The following MYT1L variants were observed in gnomAD, a reference collection of about 807,000 sequenced individuals.
MYT1L encodes the protein myelin transcription factor 1 like.
A neutral mutation model predicts 126.7 loss-of-function variants in MYT1L; 12 were observed. The observed-to-expected ratio is 0.09, with a 90% CI of 0.06 to 0.15. MYT1L has a LOEUF of 0.15. Ranked by LOEUF, MYT1L falls within the 10% of genes least tolerant of loss-of-function variation. The probability of loss-of-function intolerance (pLI) is 1.00; values close to 1 mark genes in which losing one functional copy is unlikely to be tolerated. For missense variants in MYT1L, 979 were observed against 1,585.2 expected, an observed-to-expected ratio of 0.62 and a Z score of 6.49; for synonymous variants, 541 against 604.2, an observed-to-expected ratio of 0.90 and a Z score of 1.53.
intron 2 of MYT1L, among the ~76,000 whole-genome samples, chr2:2,274,778 G>T (rs575080042): frequency 6.6e-6 from 1 of 152,170 alleles, no homozygotes; most frequent in Non-Finnish European, 1.5e-5. Flanking sequence ...CTCAGAACAC[G>T]TTTAAAGCAT....
chr2:2,208,448 C>T (rs761080675), intron 2 of MYT1L, among the ~76,000 whole-genome samples: 5 of 152,096 alleles, frequency 3.3e-5, no homozygotes, highest in Non-Finnish European at 7.4e-5. Flanking sequence ...CCCTCATGTG[C>T]AAGCAGGTGC....
At chr2:2,317,315 C>A (rs1475923730) in intron 1 of MYT1L, among the ~76,000 whole-genome samples, 1 of 152,078 alleles carries the variant, frequency 6.6e-6, no homozygotes, top group Non-Finnish European at 1.5e-5. Flanking sequence ...TCGGTGTGGT[C>A]CTGCTGATAG....
chr2:1,921,153 G>A (rs781352894), intron 10 of MYT1L, among the ~76,000 whole-genome samples: 20 of 152,176 alleles, frequency 1.3e-4, no homozygotes, highest in African/African-American at 3.1e-4. Flanking sequence ...TATTGGGTTC[G>A]CAGTGAGGAA....
chr2:1,869,609 C>G (rs1283379051), intron 18 of MYT1L, among the ~76,000 whole-genome samples: 6 of 152,186 alleles, frequency 3.9e-5, no homozygotes, highest in African/African-American at 1.2e-4. Flanking sequence ...ATGAGGCAGG[C>G]AGGACTTCAT....
At chr2:2,176,102 T>C (rs191259808) in intron 2 of MYT1L, among the ~76,000 whole-genome samples, 29 of 152,320 alleles carry the variant, frequency 1.9e-4, no homozygotes, top group Admixed American at 1.3e-3. Flanking sequence ...ACTCAGCTTC[T>C]AGTTGGAGAT....
chr2:1,917,144 TGACAGA>T lies in MYT1L; in HGVS notation c.1618+55_1618+60del. 5 of 1,564,980 alleles carry T rather than the reference TGACAGA, an allele frequency of 3.2e-6. No individual in the cohort carries two copies. Among genetic ancestry groups the T allele is most frequent in the Non-Finnish European group, 4.4e-6 (5 of 1,146,368 alleles). On this transcript the variant is annotated intron_variant, in intron 11 of 24. Coordinates refer to ENST00000647738, the MANE Select transcript of MYT1L (RefSeq NM_001303052.2). The surrounding 1 kb of genome is among the most constrained non-coding windows in gnomAD (Gnocchi z 5.9). Reference sequence around the variant, plus strand: ...TGGAGATGATGTCAGGTAAGAGGGATGACAGAGACAGAGTCATGGGTGTTTGCACCC... The same window carrying T: ...TGGAGATGATGTCAGGTAAGAGGGATGACAGAGTCATGGGTGTTTGCACCC...
Position 1,885,841 on chromosome 2 carries a change from C to T in MYT1L, c.2711+698G>A, listed in dbSNP as rs113931351. Among the ~76,000 whole-genome samples the T allele has an allele frequency of 3.0e-3, 461 of 152,328 alleles. 3 individuals carry two copies. The highest frequency in any genetic ancestry group is 0.01 in the Middle Eastern group (3 of 294). On this transcript the variant is annotated intron_variant, in intron 18 of 24. Transcript: ENST00000647738. ...GGAGGCTTTGAGACTCCCCCTGTGA[C>T]TTCTACCCACTTCTTCCAAACCTGT...
At chr2:1,897,440 G>A (rs755315271) in intron 14 of MYT1L, among the ~76,000 whole-genome samples, 2 of 149,978 alleles carry the variant, frequency 1.3e-5, no homozygotes, top group African/African-American at 5.0e-5. Context: ...TTTTCTTTTC[G>A]CAAACAAAAC....
chr2:2,104,027 A>C (rs376210394), intron 3 of MYT1L, among the ~76,000 whole-genome samples: 23 of 152,312 alleles, frequency 1.5e-4, no homozygotes, highest in African/African-American at 5.5e-4. Context: ...ATTTGTGAGA[A>C]TTATTTGAAG....
In MYT1L at chr2:2,200,679, G is replaced by A. The variant is rs576764859; in HGVS notation, c.-420-27691C>T. Among the ~76,000 whole-genome samples the A allele has an allele frequency of 6.1e-4, 93 of 152,338 alleles. 1 individual carries two copies. The highest frequency in any genetic ancestry group is 1.0e-4 in the Non-Finnish European group (7 of 68,026). ...CCACACCCATAGAGAGAGAGAGAGA[G>A]TTGAGGAGGAAAGTCTGAGCCTTCC... On this transcript the variant is annotated intron_variant, in intron 2 of 24. Coordinates refer to ENST00000647738, the MANE Select transcript of MYT1L (RefSeq NM_001303052.2).
At chr2:2,200,634 G>A (rs1449781998) in intron 2 of MYT1L, among the ~76,000 whole-genome samples, 3 of 152,208 alleles carry the variant, frequency 2.0e-5, no homozygotes, top group Non-Finnish European at 2.9e-5. Flanking sequence ...CATGGGCCAT[G>A]GGTGACAGCA....
At chr2:1,933,269 C>T (rs552827028) in intron 9 of MYT1L, among the ~76,000 whole-genome samples, 1 of 151,732 alleles carries the variant, frequency 6.6e-6, no homozygotes, top group East Asian at 2.0e-4. Context: ...CCCAGGGCTC[C>T]CAGGTGATAG....
chr2:1,971,140 A>G (rs1236820358), intron 8 of MYT1L, among the ~76,000 whole-genome samples: 1 of 152,210 alleles, frequency 6.6e-6, no homozygotes, highest in Non-Finnish European at 1.5e-5. Flanking sequence ...TGATCAGGCC[A>G]CTGCACTCCA....
chr2:2,315,506 A>G (rs7585077), intron 1 of MYT1L, among the ~76,000 whole-genome samples: 4,483 of 152,248 alleles, frequency 0.029, 126 homozygotes, highest in South Asian at 0.11. Flanking sequence ...TAACAATCCT[A>G]TAGATTTTTG....
At chr2:1,920,654 T>C (rs902164157) in intron 10 of MYT1L, among the ~76,000 whole-genome samples, 2 of 152,240 alleles carry the variant, frequency 1.3e-5, no homozygotes, top group African/African-American at 4.8e-5. Context: ...AGACACTATT[T>C]CTTCCCCAAA....
chr2:2,131,241 C>T (rs1196222839), intron 3 of MYT1L, among the ~76,000 whole-genome samples: 1 of 152,174 alleles, frequency 6.6e-6, no homozygotes, highest in Admixed American at 6.5e-5. Flanking sequence ...TCAATCCATC[C>T]ACATTAGGAT....
chr2:2,237,715 G>A (rs1474962433), intron 2 of MYT1L, among the ~76,000 whole-genome samples: 2 of 152,102 alleles, frequency 1.3e-5, no homozygotes. Flanking sequence ...CCCCTGGATT[G>A]GGAATGTCCT....
intron 4 of MYT1L, among the ~76,000 whole-genome samples, chr2:2,037,557 A>C (rs532686117): frequency 5.3e-5 from 8 of 151,740 alleles, no homozygotes; most frequent in Non-Finnish European, 1.2e-4. Flanking sequence ...GGAGTTTAAG[A>C]CCAGCCTGGC....
Position 2,014,019 on chromosome 2 carries a change from G to A in MYT1L, c.-157-16672C>T, listed in dbSNP as rs192800723. On this transcript the variant is annotated intron_variant, in intron 4 of 24. Coordinates refer to ENST00000647738, the MANE Select transcript of MYT1L (RefSeq NM_001303052.2). The stretch of plus-strand genomic sequence containing the variant: ...TATGACCAGAAATGTGGATGCCCAT[G>A]CCTTTTCCTATGCAGCCAATTTGCC... Among the ~76,000 whole-genome samples, 227 of 152,318 alleles carry A rather than the reference G, an allele frequency of 1.5e-3. 1 individual carries two copies. The highest frequency in any genetic ancestry group is 5.3e-3 in the African/African-American group (221 of 41,558).
Sources: gnomAD v4.1 joint callset for allele counts (sites outside exome capture counted in the v4.1 genomes callset) on GRCh38, gnomAD v4.1.1 for gene constraint, Gnocchi (gnomAD v3.1) non-coding constraint, MANE v1.5 for transcripts, NCBI Gene and HGNC (gene_info 2026-07-23, HGNC 2026-07-21) for gene names.